Variants in APBA2 observed in about 807,000 individuals in gnomAD.
APBA2 encodes the protein amyloid-beta A4 precursor protein-binding family A member 2.
Under a neutral mutation model 75.0 loss-of-function variants are expected in APBA2, and 30 were observed. The observed-to-expected ratio is 0.40, with a 90% CI of 0.30 to 0.54. The LOEUF is 0.54. Among genes scored for constraint, APBA2 ranks in the 20% least tolerant of loss-of-function variants. The pLI, the probability that APBA2 is intolerant of heterozygous loss-of-function variation, is 0.49. For synonymous variants in APBA2, 444 were observed against 409.6 expected (o/e 1.08, Z -1.01); for missense variants, 801 against 1,016.1 (o/e 0.79, Z 2.88).
At chr15:29,085,975 CCT>C (rs968690635) in intron 6 of APBA2, among the ~76,000 whole-genome samples, 2 of 152,184 alleles carry the variant, frequency 1.3e-5, no homozygotes, top group African/African-American at 4.8e-5. Flanking sequence ...CTTCCCTCCC[CCT>C]GTGTGGGGGA....
chr15:28,898,353 T>C (rs1374490331), intron 1 of APBA2, among the ~76,000 whole-genome samples: 7 of 152,178 alleles, frequency 4.6e-5, no homozygotes, highest in African/African-American at 1.4e-4. Flanking sequence ...AGCAGCAGAA[T>C]AGATCAGTAC....
At chr15:28,920,652 G>A (rs187307766) in intron 1 of APBA2, among the ~76,000 whole-genome samples, 2 of 152,202 alleles carry the variant, frequency 1.3e-5, no homozygotes, top group East Asian at 1.9e-4. Flanking sequence ...AGGAAACACA[G>A]ATTAGAGGAA....
intron 3 of APBA2, among the ~76,000 whole-genome samples, chr15:29,053,643 G>A (rs574046449): frequency 6.6e-6 from 1 of 152,018 alleles, no homozygotes; most frequent in Non-Finnish European, 1.5e-5. Context: ...CCGGAGCTCT[G>A]TGTGCCCTCG....
chr15:29,022,689 A>G (rs1448367940), intron 3 of APBA2, among the ~76,000 whole-genome samples: 1 of 152,132 alleles, frequency 6.6e-6, no homozygotes, highest in Non-Finnish European at 1.5e-5. Flanking sequence ...ATGGTTTTAT[A>G]TCCTTCATTG....
chr15:28,906,941 T>C (rs2033162649), intron 1 of APBA2, among the ~76,000 whole-genome samples: 2 of 152,170 alleles, frequency 1.3e-5, no homozygotes, highest in Non-Finnish European at 2.9e-5. Context: ...ATGCCACTTG[T>C]CCTTTGATTT....
chr15:29,064,230 C>T (rs1190800086), intron 4 of APBA2, among the ~76,000 whole-genome samples: 1 of 152,160 alleles, frequency 6.6e-6, no homozygotes, highest in Non-Finnish European at 1.5e-5. Context: ...ATAGCCAAGC[C>T]TCTCTTAACC....
intron 1 of APBA2, among the ~76,000 whole-genome samples, chr15:28,909,931 G>T (rs577290918): frequency 3.3e-5 from 5 of 152,292 alleles, no homozygotes; most frequent in Non-Finnish European, 5.9e-5. Flanking sequence ...GCAGTAGCTG[G>T]TGCGATCCTC....
intron 1 of APBA2, among the ~76,000 whole-genome samples, chr15:28,886,978 C>T (rs2031784715): frequency 6.6e-6 from 1 of 152,208 alleles, no homozygotes; most frequent in Non-Finnish European, 1.5e-5. Context: ...CCAAGCAGGG[C>T]GCCATGGGCC....
At chr15:29,101,225 T>G (rs2152962012) in intron 9 of APBA2, among the ~76,000 whole-genome samples, 1 of 151,946 alleles carries the variant, frequency 6.6e-6, no homozygotes, top group South Asian at 2.1e-4. Flanking sequence ...GCCTTTTTTT[T>G]TTTTTTCCTT....
At chr15:29,108,685 C>G (rs1276086693) in intron 13 of APBA2, 4 of 538,544 alleles carry the variant, frequency 7.4e-6, no homozygotes, top group Admixed American at 3.1e-5. Flanking sequence ...GCAGACTTCA[C>G]CAGCCACTGT....
intron 1 of APBA2, among the ~76,000 whole-genome samples, chr15:28,898,911 G>A (rs371187727): frequency 6.6e-6 from 1 of 152,200 alleles, no homozygotes. Context: ...ATGTAAACCC[G>A]AGTAGGACGC....
At chr15:29,105,594 T>C (rs1169125102) in intron 11 of APBA2, 36 bp downstream of exon 11, 1 of 1,610,078 alleles carries the variant, frequency 6.2e-7, no homozygotes, top group East Asian at 2.2e-5. Flanking sequence ...GAGGCCACAT[T>C]TGCCAGCTTC....
intron 13 of APBA2, among the ~76,000 whole-genome samples, chr15:29,110,956 C>A (rs1452188515): frequency 6.6e-6 from 1 of 151,886 alleles, no homozygotes; most frequent in Non-Finnish European, 1.5e-5. Context: ...GAGTAGCTCC[C>A]AAAGATGGGG....
intron 1 of APBA2, among the ~76,000 whole-genome samples, chr15:28,915,225 C>CA (rs2033630020): frequency 3.1e-3 from 59 of 19,012 alleles, no homozygotes; most frequent in East Asian, 5.0e-3. Flanking sequence ...ACACCACATA[C>CA]CACACATACC....
chr15:29,050,429 G>A (rs1056818266), intron 3 of APBA2, among the ~76,000 whole-genome samples: 1 of 152,166 alleles, frequency 6.6e-6, no homozygotes, highest in Admixed American at 6.5e-5. Context: ...AAAAGTATAG[G>A]AAGCAGTGGT....
chr15:28,972,628 A>G (rs1440180913), intron 2 of APBA2, among the ~76,000 whole-genome samples: 3 of 152,356 alleles, frequency 2.0e-5, no homozygotes, highest in Non-Finnish European at 4.4e-5. Context: ...TGCCCAGCCA[A>G]TGGTTCTTTA....
intron 2 of APBA2, among the ~76,000 whole-genome samples, chr15:28,944,516 C>T (rs1288527448): frequency 6.6e-6 from 1 of 152,212 alleles, no homozygotes; most frequent in African/African-American, 2.4e-5. Flanking sequence ...CCTGCGGACT[C>T]GCTCCTCGCA....
chr15:28,951,256 A>T (rs1219271809), intron 2 of APBA2, among the ~76,000 whole-genome samples: 2 of 152,226 alleles, frequency 1.3e-5, no homozygotes, highest in Admixed American at 6.5e-5. Context: ...ACACCATTTT[A>T]TAGAAGGGAC....
At chr15:28,898,061 C>G (rs141338435) in intron 1 of APBA2, among the ~76,000 whole-genome samples, 2 of 152,082 alleles carry the variant, frequency 1.3e-5, no homozygotes, top group Non-Finnish European at 2.9e-5. Context: ...CAGGGAGCAC[C>G]GGCAGCTGGG....
Sources: gnomAD v4.1 joint callset for allele counts (sites outside exome capture counted in the v4.1 genomes callset) on GRCh38, gnomAD v4.1.1 for gene constraint, MANE v1.5 for transcripts, NCBI Gene and HGNC (gene_info 2026-07-23, HGNC 2026-07-21) for gene names.